The following SYNE1 variants were observed in gnomAD, a reference collection of about 807,000 sequenced individuals.
The protein encoded by SYNE1 is spectrin repeat containing nuclear envelope protein 1.
SYNE1 carries 616 observed loss-of-function variants against 1,111.0 expected under a neutral mutation model. The ratio of observed to expected loss-of-function variants is 0.55; its 90% CI spans 0.52 to 0.59. The LOEUF is 0.59. Among genes scored for constraint, SYNE1 ranks in the 20% least tolerant of loss-of-function variants. SYNE1 has a pLI of 0.00. For missense variants in SYNE1, 10,006 were observed against 10,417.0 expected (o/e 0.96, Z 1.72); for synonymous variants, 3,855 against 3,825.8 (o/e 1.01, Z -0.28).
chr6:152,524,895 C>T (rs771423011), intron 5 of SYNE1, among the ~76,000 whole-genome samples: 1 of 152,176 alleles, frequency 6.6e-6, no homozygotes, highest in Non-Finnish European at 1.5e-5. Flanking sequence ...TATTCATAGA[C>T]TCCCATATCC....
Position 152,441,288 on chromosome 6 carries a change from A to G in SYNE1, c.4009-18T>C. On this transcript the variant is annotated intron_variant, in intron 31 of 145. Transcript: ENST00000367255. Reference sequence around the variant, plus strand: ...AATGTGACCTAAATTTGAAAAAATAAACAACAAATGGGTTACAAATGTCAC... The same window carrying G: ...AATGTGACCTAAATTTGAAAAAATAGACAACAAATGGGTTACAAATGTCAC... 6.3e-7 allele frequency: 1 copy of G among 1,597,952 alleles called. No individual in the cohort carries two copies. The highest frequency in any genetic ancestry group is 8.5e-7 in the Non-Finnish European group (1 of 1,170,380).
intron 56 of SYNE1, among the ~76,000 whole-genome samples, chr6:152,379,651 C>T (rs937436277): frequency 6.6e-6 from 1 of 152,034 alleles, no homozygotes; most frequent in African/African-American, 2.4e-5. Context: ...TATTGAGAAG[C>T]AATGTAGCAT....
At chr6:152,350,143 G>A in intron 72 of SYNE1, 25 bp downstream of exon 72, 1 of 1,612,348 alleles carries the variant, frequency 6.2e-7, no homozygotes, top group East Asian at 2.2e-5. Flanking sequence ...CATCCCAAAG[G>A]CAGCCCTTTA....
rs529530609 is a variant in SYNE1, at chr6:152,427,223, A to G, written c.5100+470T>C. Among the ~76,000 whole-genome samples the G allele has an allele frequency of 1.4e-4, 22 of 152,316 alleles. No individual in the cohort carries two copies. In the East Asian group the frequency reaches 4.0e-3, roughly 28 times the overall value. ...GCTCATTCATTTTTTTCTGTCTTCC[A>G]TAAGAATAATCATTACTGTGACTTC... On this transcript the variant is annotated intron_variant, in intron 38 of 145. Transcript: ENST00000367255.
intron 25 of SYNE1, among the ~76,000 whole-genome samples, chr6:152,451,588 T>A (rs1296324711): frequency 6.7e-6 from 1 of 150,302 alleles, no homozygotes; most frequent in African/African-American, 2.5e-5. Flanking sequence ...GTTCAAGCGA[T>A]TCTCCTGTCT....
chr6:152,343,534 T>A (rs1209957477), intron 74 of SYNE1, among the ~76,000 whole-genome samples: 1 of 151,420 alleles, frequency 6.6e-6, no homozygotes, highest in Non-Finnish European at 1.5e-5. Context: ...TTATTTTTAT[T>A]TTTTAATTTT....
chr6:152,609,312 A>G (rs1316035087), intron 3 of SYNE1, among the ~76,000 whole-genome samples: 2 of 152,110 alleles, frequency 1.3e-5, no homozygotes, highest in South Asian at 4.1e-4. Flanking sequence ...GAAGACAAGG[A>G]GATTCTCTCC....
intron 15 of SYNE1, 125 bp downstream of exon 15, chr6:152,472,176 G>A (rs1241687940): frequency 4.4e-5 from 34 of 777,594 alleles, no homozygotes; most frequent in Middle Eastern, 3.6e-4. Flanking sequence ...ATGGGAGCCC[G>A]CTTTCTATTT....
At chr6:152,177,064 G>A (rs1443256067) in intron 129 of SYNE1, among the ~76,000 whole-genome samples, 3 of 152,122 alleles carry the variant, frequency 2.0e-5, no homozygotes, top group African/African-American at 7.2e-5. Context: ...TATTTTAAAA[G>A]AGTTCCTTCA....
Position 152,458,920 on chromosome 6 carries a change from C to T in SYNE1, c.2405G>A (p.Cys802Tyr), listed in dbSNP as rs2098714274. The T allele has an allele frequency of 1.9e-6, 3 of 1,613,826 alleles. No individual in the cohort carries two copies. Among genetic ancestry groups the T allele is most frequent in the Non-Finnish European group, 2.5e-6 (3 of 1,179,922 alleles). ...AGACTCATAAAGGAGTGGGGAGTAA[C>T]ATTCTTTGACCTTTAAAAACATAAA... ...LKEQLTKVKE[C>Y]YSPLLYESQQ... Residue 802 changes from cysteine to tyrosine, a missense_variant, in exon 22 of 146, where the codon TGT becomes TAT. Transcript: ENST00000367255.
chr6:152,318,127 T>C lies in SYNE1; in HGVS notation c.16526A>G (p.Gln5509Arg). The change falls in exon 86 of 146, where the codon CAG becomes CGG. Residue 5509 changes from glutamine (Q) to arginine (R), a missense_variant. By Grantham distance (43) the Gln-to-Arg change is conservative (BLOSUM62 1). Around this residue, in one of 7 missense-constraint regions of SYNE1, gnomAD observed 4,955 missense variants for 5,017.2 expected, o/e 0.99. Transcript: ENST00000367255. ...KKIGKLTELH[Q>R]QTIRQAENRL... is the part of the protein sequence containing the mutation. ...ATTCTCAGCTTGTCTAATGGTCTGC[T>C]GGTGAAGTTCAGTCAGTTTTCCTAT... 1 of 1,614,252 alleles carries C rather than the reference T, an allele frequency of 6.2e-7. No homozygotes were observed. The highest frequency in any genetic ancestry group is 8.5e-7 in the Non-Finnish European group (1 of 1,180,052).
intron 98 of SYNE1, among the ~76,000 whole-genome samples, chr6:152,274,294 C>T (rs142346541): frequency 1.3e-5 from 2 of 152,138 alleles, no homozygotes; most frequent in Admixed American, 1.3e-4. Context: ...ATTTACCCAA[C>T]ACAGAGTTCA....
chr6:152,554,951 C>T (rs1345698078), intron 3 of SYNE1, among the ~76,000 whole-genome samples: 1 of 152,150 alleles, frequency 6.6e-6, no homozygotes, highest in African/African-American at 2.4e-5. Flanking sequence ...TTTACACAGA[C>T]CCATCACTTT....
chr6:152,208,462 T>G (rs1007204647), intron 124 of SYNE1, among the ~76,000 whole-genome samples: 1 of 152,158 alleles, frequency 6.6e-6, no homozygotes, highest in African/African-American at 2.4e-5. Context: ...TACAATAAGG[T>G]CATTGTCCTT....
intron 4 of SYNE1, among the ~76,000 whole-genome samples, chr6:152,526,984 G>T (rs950387648): frequency 2.0e-5 from 3 of 152,144 alleles, no homozygotes; most frequent in Non-Finnish European, 4.4e-5. Context: ...AGAAAGTAAA[G>T]AAGCCATTAT....
At chr6:152,262,214 T>C (rs1296618488) in intron 100 of SYNE1, 26 bp from the exon 101 acceptor site, 1 of 1,609,530 alleles carries the variant, frequency 6.2e-7, no homozygotes, top group Non-Finnish European at 8.5e-7. Flanking sequence ...ATAATCTAAG[T>C]TTACAATGTG....
rs765482633 is a variant in SYNE1, at chr6:152,399,797, T to C, written c.7056A>G (p.Gln2352=). The change falls in exon 48 of 146, where the codon CAA becomes CAG. Residue 2352 remains glutamine (Q), a synonymous_variant. Transcript: ENST00000367255. Reference sequence around the variant, plus strand: ...CTTGGGTAGAGCTGATGTTGCTTTGTTGACTTTGAAGTTCTTTTTGTATAT... The same window carrying C: ...CTTGGGTAGAGCTGATGTTGCTTTGCTGACTTTGAAGTTCTTTTTGTATAT... The part of the protein sequence containing the change: ...VKDIQKELQS[Q]QSNISSTQEN... The C allele has an allele frequency of 1.9e-6, 3 of 1,614,054 alleles. No homozygotes were observed. Among genetic ancestry groups the C allele is most frequent in the Admixed American group, 3.3e-5 (2 of 59,994 alleles).
chr6:152,350,526 C>G lies in SYNE1; in HGVS notation c.11733+92G>C. 3 of 1,563,212 alleles carry G rather than the reference C, an allele frequency of 1.9e-6. No homozygotes were observed. The Admixed American group carries it at 5.0e-5, about 26-fold the overall frequency. On this transcript the variant is annotated intron_variant, in intron 71 of 145. Transcript: ENST00000367255. Reference sequence around the variant, plus strand: ...GAATAAAAAAAAATACTAACCCGTACCAGGCCTTAAAATTACATGACAGAG... The same window carrying G: ...GAATAAAAAAAAATACTAACCCGTAGCAGGCCTTAAAATTACATGACAGAG...
At chr6:152,163,970 G>A (rs2063074822) in intron 131 of SYNE1, among the ~76,000 whole-genome samples, 193 bp downstream of exon 131, 1 of 152,096 alleles carries the variant, frequency 6.6e-6, no homozygotes, top group African/African-American at 2.4e-5. Context: ...TCTTTGTAAG[G>A]CTGAACTCTG....
Sources: gnomAD v4.1 joint callset for allele counts (sites outside exome capture counted in the v4.1 genomes callset) on GRCh38, gnomAD v4.1.1 for gene constraint, gnomAD v4.1.1 regional missense constraint, MANE v1.5 for transcripts, NCBI Gene and HGNC (gene_info 2026-07-23, HGNC 2026-07-21) for gene names.